TMX2: variants seen among roughly 807,000 people sequenced by gnomAD.
TMX2 encodes the protein thioredoxin related transmembrane protein 2, also known as thioredoxin-related transmembrane protein 2.
TMX2 carries 20 observed loss-of-function variants against 33.4 expected under a neutral mutation model. The ratio of observed to expected loss-of-function variants is 0.60; its 90% confidence interval spans 0.42 to 0.87. TMX2 has a LOEUF of 0.87. Among genes scored for constraint, TMX2 ranks in the 40% least tolerant of loss-of-function variants. TMX2 has a pLI of 0.00. For synonymous variants in TMX2, 166 were observed against 140.7 expected, an observed-to-expected ratio of 1.18 and a Z score of -1.27; for missense variants, 340 against 370.7, an observed-to-expected ratio of 0.92 and a Z score of 0.68.
At chr11:57,733,238 C>T (rs552215255) in intron 1 of TMX2, among the ~76,000 whole-genome samples, 4 of 140,018 alleles carry the variant, frequency 2.9e-5, no homozygotes, top group African/African-American at 1.1e-4. Flanking sequence ...GTGTAAGACA[C>T]AGTGAGGAAT....
At chr11:57,723,759 C>T (rs1238042757) in intron 1 of TMX2, among the ~76,000 whole-genome samples, 3 of 150,458 alleles carry the variant, frequency 2.0e-5, no homozygotes, top group Non-Finnish European at 3.0e-5. Context: ...GCTGTGATCA[C>T]ACCACTGCAC....
At chr11:57,720,146 A>T (rs933957998) in intron 1 of TMX2, among the ~76,000 whole-genome samples, 2 of 151,512 alleles carry the variant, frequency 1.3e-5, no homozygotes, top group Admixed American at 6.6e-5. Context: ...AAAAAAAAAA[A>T]AAAAAAAGGT....
chr11:57,735,272 G>A (rs958420027), intron 1 of TMX2, among the ~76,000 whole-genome samples: 1 of 149,890 alleles, frequency 6.7e-6, no homozygotes, highest in Non-Finnish European at 1.5e-5. Context: ...GCAGTGGCAC[G>A]ATCTCGGCTC....
intron 5 of TMX2, 32 bp downstream of exon 5, chr11:57,738,802 T>C: frequency 1.3e-6 from 2 of 1,588,764 alleles, no homozygotes; most frequent in Non-Finnish European, 1.7e-6. Flanking sequence ...ATGGTGGAAA[T>C]GGAGATGCTG....
intron 1 of TMX2, among the ~76,000 whole-genome samples, chr11:57,733,403 C>T (rs1429846947): frequency 1.3e-5 from 2 of 151,794 alleles, no homozygotes; most frequent in East Asian, 1.9e-4. Context: ...TACAGGTGCC[C>T]GCCATCACGC....
At position 57,712,955 on chromosome 11, in the gene TMX2, C is replaced by T. The variant is rs1051418658; in HGVS notation, c.189+148C>T. Reference sequence around the variant, plus strand: ...GAGACTATTAAGTGCAGGGTCCGAACCATCATCGAGTCTAAACTTTGTGTT... The same window carrying T: ...GAGACTATTAAGTGCAGGGTCCGAATCATCATCGAGTCTAAACTTTGTGTT... On this transcript the variant is annotated intron_variant, in intron 1 of 7. Transcript: ENST00000278422. 2.1e-5 allele frequency: 17 copies of T among 825,688 alleles called. No individual in the cohort carries two copies. The Admixed American group carries it at 4.8e-4, about 23-fold the overall frequency. 51.1% of individuals were successfully genotyped at this position (825,688 alleles called of 1,614,324 possible). A position where few individuals can be genotyped will look rare whatever the true frequency, so the allele number is the denominator to read the frequency against.
chr11:57,719,076 C>T (rs1947387964), intron 1 of TMX2, among the ~76,000 whole-genome samples: 1 of 141,806 alleles, frequency 7.1e-6, no homozygotes, highest in Admixed American at 7.3e-5. Context: ...CTCACTGTCA[C>T]CCAGGCTGGA....
At chr11:57,738,583 A>G in intron 4 of TMX2, 81 bp from the exon 5 acceptor site, 1 of 1,324,012 alleles carries the variant, frequency 7.6e-7, no homozygotes, top group Admixed American at 1.7e-5. Flanking sequence ...GAACACCAGG[A>G]TGAGGAATTA....
chr11:57,726,673 T>G (rs1285102419), intron 1 of TMX2, among the ~76,000 whole-genome samples: 1 of 152,132 alleles, frequency 6.6e-6, no homozygotes, highest in Non-Finnish European at 1.5e-5. Context: ...AATACCAGTA[T>G]ATGGTGCAAT....
intron 1 of TMX2, among the ~76,000 whole-genome samples, chr11:57,732,758 A>C (rs561927001): frequency 1.3e-5 from 2 of 152,206 alleles, no homozygotes; most frequent in East Asian, 1.9e-4. Flanking sequence ...GTTTTTATGG[A>C]ACTTCATTAC....
At position 57,736,244 on chromosome 11, in the gene TMX2, AG is replaced by A. The variant is rs574052405; in HGVS notation, c.190-1361del. On this transcript the variant is annotated intron_variant, in intron 1 of 7. Coordinates refer to ENST00000278422, the MANE Select transcript of TMX2 (RefSeq NM_015959.4). ...TCACTTGGTGGTTACATTCTACAAC[AG>A]GGTTATCTAATCTTTTGGCTTCCCT... Among the ~76,000 whole-genome samples, 35 of 152,182 alleles carry A rather than the reference AG, an allele frequency of 2.3e-4. No homozygotes were observed. In the South Asian group the frequency reaches 6.9e-3, roughly 30 times the overall value.
At chr11:57,729,058 A>G (rs188153052) in intron 1 of TMX2, among the ~76,000 whole-genome samples, 3 of 151,764 alleles carry the variant, frequency 2.0e-5, no homozygotes, top group Admixed American at 1.3e-4. Flanking sequence ...AGCAGCACGC[A>G]TCAATCCACC....
intron 1 of TMX2, among the ~76,000 whole-genome samples, chr11:57,736,314 C>G (rs1232912744): frequency 6.7e-6 from 1 of 148,646 alleles, no homozygotes; most frequent in Non-Finnish European, 1.5e-5. Flanking sequence ...ATAAAATACA[C>G]TAACACCTAA....
chr11:57,734,225 C>T (rs1490233445), intron 1 of TMX2, among the ~76,000 whole-genome samples: 2 of 149,948 alleles, frequency 1.3e-5, no homozygotes, highest in Non-Finnish European at 3.0e-5. Context: ...CTGCCTGAAC[C>T]CAGAAGTGGT....
chr11:57,734,282 T>A lies in TMX2; in HGVS notation c.190-3326T>A, dbSNP rs373953655. 4.5e-4 allele frequency among the ~76,000 whole-genome samples: 68 copies of A among 151,980 alleles called. No homozygotes were observed. The South Asian group carries it at 0.014, about 32-fold the overall frequency. ...CATTCTCAAGTAACAGTCACACAGT[T>A]CTACCTGGATGCAAAGAGATAGGGA... On this transcript the variant is annotated intron_variant, in intron 1 of 7. Transcript: ENST00000278422.
At chr11:57,730,869 A>G (rs1948336542) in intron 1 of TMX2, among the ~76,000 whole-genome samples, 2 of 152,204 alleles carry the variant, frequency 1.3e-5, no homozygotes, top group South Asian at 4.1e-4. Flanking sequence ...GTAAGTCATA[A>G]TACGGTTAGT....
At chr11:57,738,795 G>C (rs756606109) in intron 5 of TMX2, 25 bp downstream of exon 5, 28 of 1,599,230 alleles carry the variant, frequency 1.8e-5, no homozygotes, top group Non-Finnish European at 2.4e-5. Flanking sequence ...GGGAGGGATG[G>C]TGGAAATGGA....
At chr11:57,718,329 C>A in intron 1 of TMX2, 2 of 1,553,964 alleles carry the variant, frequency 1.3e-6, no homozygotes, top group African/African-American at 1.4e-5. Context: ...GCCATTATGG[C>A]GTGTGAAGTC....
chr11:57,740,186 C>T lies in TMX2; in HGVS notation c.832C>T (p.Gln278Ter), dbSNP rs1949003673. The T allele has an allele frequency of 2.5e-6, 4 of 1,613,770 alleles. No individual in the cohort carries two copies. In the East Asian group the frequency reaches 8.9e-5, roughly 36 times the overall value. Reference sequence around the variant, plus strand: ...GGCTGGAGACAATATCCCTGAGGAGCAGCCTGTGGCTTCAACCCCCACCAC... The same window carrying T: ...GGCTGGAGACAATATCCCTGAGGAGTAGCCTGTGGCTTCAACCCCCACCAC... ...SKAGDNIPEE[Q>*]PVASTPTTVS... The change falls in exon 8 of 8, where the codon CAG becomes TAG. Residue 278 changes from glutamine to a stop codon, truncating the protein, a stop_gained. Transcript: ENST00000278422. LOFTEE classifies it high-confidence loss of function.
Sources: gnomAD v4.1 joint callset for allele counts (sites outside exome capture counted in the v4.1 genomes callset) on GRCh38, gnomAD v4.1.1 for gene constraint, MANE v1.5 for transcripts, NCBI Gene and HGNC (gene_info 2026-07-23, HGNC 2026-07-21) for gene names.